The following TRAPPC3L variants were observed in gnomAD, a reference collection of about 807,000 sequenced individuals.
TRAPPC3L encodes the protein trafficking protein particle complex subunit 3L, also known as trafficking protein particle complex subunit 3-like protein.
Under a neutral mutation model 23.7 loss-of-function variants are expected in TRAPPC3L, and 23 were observed. The ratio of observed to expected loss-of-function variants is 0.97; its 90% CI spans 0.70 to 1.37. TRAPPC3L has a LOEUF of 1.37. Among genes scored for constraint, TRAPPC3L ranks in the 40% most tolerant of loss-of-function variants. The pLI, the probability that TRAPPC3L is intolerant of heterozygous loss-of-function variation, is 0.00. For missense variants in TRAPPC3L, 212 were observed against 216.8 expected (o/e 0.98, Z 0.14); for synonymous variants, 81 against 77.9 (o/e 1.04, Z -0.21).
intron 2 of TRAPPC3L, 97 bp from the exon 3 acceptor site, chr6:116,540,559 A>G (rs1773386921): frequency 8.0e-7 from 1 of 1,251,410 alleles, no homozygotes; most frequent in Non-Finnish European, 1.1e-6. Context: ...CACTTGTGCA[A>G]GTGAATCACA....
At chr6:116,502,947 T>G (rs940263257) in intron 3 of TRAPPC3L, among the ~76,000 whole-genome samples, 3 of 152,148 alleles carry the variant, frequency 2.0e-5, no homozygotes, top group Admixed American at 6.5e-5. Context: ...CCATTGACAC[T>G]ATGAAGAAAC....
At chr6:116,543,828 T>A in intron 1 of TRAPPC3L, 2 of 1,534,320 alleles carry the variant, frequency 1.3e-6, no homozygotes, top group Non-Finnish European at 1.7e-6. Context: ...CCCCCAGATC[T>A]GCCAAGGAGA....
At chr6:116,497,751 A>T (rs1432714786) in intron 4 of TRAPPC3L, among the ~76,000 whole-genome samples, 1 of 152,178 alleles carries the variant, frequency 6.6e-6, no homozygotes, top group Non-Finnish European at 1.5e-5. Context: ...TTGCTGACCT[A>T]CCCCCAATAG....
At chr6:116,497,954 C>T (rs1771857685) in intron 4 of TRAPPC3L, among the ~76,000 whole-genome samples, 1 of 152,194 alleles carries the variant, frequency 6.6e-6, no homozygotes, top group African/African-American at 2.4e-5. Flanking sequence ...ATTTGTTAAA[C>T]CATTAGTGTA....
At chr6:116,500,754 C>T in intron 3 of TRAPPC3L, 88 bp from the exon 4 acceptor site, 1 of 1,178,078 alleles carries the variant, frequency 8.5e-7, no homozygotes, top group Non-Finnish European at 1.2e-6. Flanking sequence ...CTAGGCATTG[C>T]AGCACAATGG....
intron 3 of TRAPPC3L, chr6:116,516,180 G>A: frequency 1.6e-6 from 1 of 632,378 alleles, no homozygotes; most frequent in Non-Finnish European, 2.4e-6. Context: ...TGATGCTGAG[G>A]GGTGACAAAG....
At chr6:116,534,897 T>C (rs1450652037) in intron 3 of TRAPPC3L, among the ~76,000 whole-genome samples, 2 of 152,338 alleles carry the variant, frequency 1.3e-5, no homozygotes, top group Admixed American at 6.5e-5. Flanking sequence ...AGTCTTTTTA[T>C]GCTGTATTTA....
intron 3 of TRAPPC3L, among the ~76,000 whole-genome samples, chr6:116,504,980 C>T (rs1247787129): frequency 2.0e-5 from 3 of 152,116 alleles, no homozygotes; most frequent in Non-Finnish European, 4.4e-5. Flanking sequence ...CCCTCTCTCA[C>T]CACTCCTATT....
At chr6:116,530,923 A>ATATATATG (rs1351523079) in intron 3 of TRAPPC3L, among the ~76,000 whole-genome samples, 3 of 142,674 alleles carry the variant, frequency 2.1e-5, no homozygotes, top group African/African-American at 7.8e-5. Flanking sequence ...ATATATATAT[A>ATATATATG]TATATATATA....
intron 1 of TRAPPC3L, among the ~76,000 whole-genome samples, chr6:116,545,106 C>T (rs1180727879): frequency 6.7e-6 from 1 of 150,326 alleles, no homozygotes; most frequent in South Asian, 2.1e-4. Flanking sequence ...TATATACACA[C>T]ATATATATAT....
chr6:116,507,615 A>AC (rs1772029247), intron 3 of TRAPPC3L, among the ~76,000 whole-genome samples: 1 of 151,756 alleles, frequency 6.6e-6, no homozygotes, highest in Admixed American at 6.6e-5. Flanking sequence ...TTTAAAAAAA[A>AC]CATAATATAT....
At chr6:116,539,150 T>G (rs6921845) in intron 3 of TRAPPC3L, among the ~76,000 whole-genome samples, 57,158 of 152,112 alleles carry the variant, frequency 0.38, 12,418 homozygotes, top group East Asian at 0.54. Context: ...ATATTACAAG[T>G]ATTTACTTTC....
intron 3 of TRAPPC3L, among the ~76,000 whole-genome samples, chr6:116,538,037 G>A (rs1416371029): frequency 1.3e-5 from 2 of 152,260 alleles, no homozygotes; most frequent in Admixed American, 6.5e-5. Flanking sequence ...ATTCATATGG[G>A]ATATTTGTTA....
chr6:116,512,363 A>T (rs929095478), intron 3 of TRAPPC3L: 30 of 1,083,386 alleles, frequency 2.8e-5, no homozygotes, highest in Non-Finnish European at 3.8e-5. Flanking sequence ...CTGAAACATG[A>T]TGCAGCATTG....
At chr6:116,498,656 G>T (rs761459349) in intron 4 of TRAPPC3L, among the ~76,000 whole-genome samples, 2 of 152,148 alleles carry the variant, frequency 1.3e-5, no homozygotes, top group Non-Finnish European at 2.9e-5. Context: ...TCCCAAAGGA[G>T]CTTTTACCAA....
At chr6:116,529,218 A>C (rs1319860210) in intron 3 of TRAPPC3L, 2 of 152,122 alleles carry the variant, frequency 1.3e-5, no homozygotes, top group Admixed American at 1.3e-4. Context: ...TGCAAATCTC[A>C]CTAGACCCTG....
intron 3 of TRAPPC3L, chr6:116,517,579 T>C (rs1046802146): frequency 1.3e-5 from 2 of 152,128 alleles, no homozygotes; most frequent in Non-Finnish European, 2.9e-5. Context: ...ATCCTACAAG[T>C]ATAGGACCCA....
intron 2 of TRAPPC3L, among the ~76,000 whole-genome samples, chr6:116,543,077 G>A (rs1773561686): frequency 6.6e-6 from 1 of 152,106 alleles, no homozygotes; most frequent in African/African-American, 2.4e-5. Context: ...TAACTAAAGA[G>A]AAAACATCCC....
rs570640654 is a variant in TRAPPC3L, at chr6:116,524,976, A to C, written c.240+15387T>G. 2.6e-5 allele frequency among the ~76,000 whole-genome samples: 4 copies of C among 152,262 alleles called. No homozygotes were observed. In the South Asian group the frequency reaches 8.3e-4, roughly 32 times the overall value. On this transcript the variant is annotated intron_variant, in intron 3 of 4. Coordinates refer to ENST00000368602, the MANE Select transcript of TRAPPC3L (RefSeq NM_001139444.3). ...CTGGGAGGCAGGTATTACCTTTTCT[A>C]TGTTTATAAATAATGCTAGAGTCCA...
Sources: gnomAD v4.1 joint callset for allele counts (sites outside exome capture counted in the v4.1 genomes callset) on GRCh38, gnomAD v4.1.1 for gene constraint, MANE v1.5 for transcripts, NCBI Gene and HGNC (gene_info 2026-07-23, HGNC 2026-07-21) for gene names.